Variants in LIN9 observed in about 807,000 individuals in gnomAD.
The protein encoded by LIN9 is protein lin-9 homolog.
Under a neutral mutation model 78.0 loss-of-function variants are expected in LIN9, and 18 were observed. The ratio of observed to expected loss-of-function variants is 0.23; its 90% CI spans 0.16 to 0.34. LIN9 has a LOEUF of 0.34. LIN9 is among the 10% of genes least tolerant of loss of function. The probability of loss-of-function intolerance (pLI) is 1.00; values close to 1 mark genes in which losing one functional copy is unlikely to be tolerated. For missense variants in LIN9, 451 were observed against 644.1 expected (o/e 0.70, Z 3.25); for synonymous variants, 192 against 215.2 (o/e 0.89, Z 0.94).
chr1:226,263,691 T>A (rs976082979), intron 10 of LIN9, among the ~76,000 whole-genome samples: 1 of 152,236 alleles, frequency 6.6e-6, no homozygotes, highest in African/African-American at 2.4e-5. Context: ...TCTTTGCTCT[T>A]ATCACATTTT....
intron 2 of LIN9, among the ~76,000 whole-genome samples, chr1:226,299,950 A>C (rs1002159217): frequency 6.8e-6 from 1 of 147,938 alleles, no homozygotes; most frequent in African/African-American, 2.5e-5. Flanking sequence ...TTGGAATTTG[A>C]GACAGAGTCT....
intron 10 of LIN9, among the ~76,000 whole-genome samples, chr1:226,252,125 TAAAC>T (rs749784551): frequency 2.0e-5 from 3 of 151,636 alleles, no homozygotes; most frequent in Non-Finnish European, 4.4e-5. Flanking sequence ...CCACAAAAAA[TAAAC>T]AAAATTAGCT....
At chr1:226,237,466 C>T (rs1288850296) in intron 12 of LIN9, among the ~76,000 whole-genome samples, 1 of 151,538 alleles carries the variant, frequency 6.6e-6, no homozygotes, top group East Asian at 1.9e-4. Context: ...AACCCTGTCT[C>T]TACTAAAAAT....
chr1:226,237,888 G>A (rs1219185104), intron 12 of LIN9, among the ~76,000 whole-genome samples: 1 of 151,194 alleles, frequency 6.6e-6, no homozygotes, highest in Non-Finnish European at 1.5e-5. Context: ...GGGAGGCAGA[G>A]GTTCCAGTGA....
chr1:226,232,170 CG>C lies in LIN9; in HGVS notation c.*330del, dbSNP rs1279530187. The C allele has an allele frequency of 2.5e-6, 1 of 399,472 alleles. No homozygotes were observed. The allele number at this position is 399,472 out of a possible 1,614,324, so 24.7% of individuals were successfully genotyped here. A position where few individuals can be genotyped will look rare whatever the true frequency, so the allele number is the denominator to read the frequency against. On this transcript the variant is annotated 3_prime_UTR_variant, in exon 15 of 15. Coordinates refer to ENST00000681046, the MANE Select transcript of LIN9 (RefSeq NM_001366245.2). Reference sequence around the variant, plus strand: ...TTGCAGCAGTTGTCTGCATGTGTTGCGGTGAATTCATGCACATTAAAAAAAA... The same window carrying C: ...TTGCAGCAGTTGTCTGCATGTGTTGCGTGAATTCATGCACATTAAAAAAAA...
At chr1:226,258,351 A>G (rs1300126853) in intron 10 of LIN9, among the ~76,000 whole-genome samples, 1 of 151,262 alleles carries the variant, frequency 6.6e-6, no homozygotes, top group Non-Finnish European at 1.5e-5. Context: ...AAATACTAAT[A>G]TTAGCCAGAT....
intron 12 of LIN9, among the ~76,000 whole-genome samples, chr1:226,236,367 C>T (rs1001422380): frequency 1.3e-5 from 2 of 151,656 alleles, no homozygotes; most frequent in Non-Finnish European, 2.9e-5. Context: ...AATCACCATC[C>T]TGACTTCTAG....
intron 11 of LIN9, 47 bp downstream of exon 11, chr1:226,250,792 T>A: frequency 2.0e-6 from 2 of 984,118 alleles, no homozygotes; most frequent in Non-Finnish European, 3.1e-6. Flanking sequence ...GTCTCACTAT[T>A]TTAAAATTAG....
intron 6 of LIN9, among the ~76,000 whole-genome samples, chr1:226,284,225 T>C (rs1661259393): frequency 6.6e-6 from 1 of 152,096 alleles, no homozygotes; most frequent in Admixed American, 6.6e-5. Context: ...CCCAGAGACA[T>C]CTGTGACTGT....
intron 11 of LIN9, among the ~76,000 whole-genome samples, chr1:226,241,655 G>A (rs994062431): frequency 2.0e-5 from 3 of 152,138 alleles, no homozygotes; most frequent in South Asian, 2.1e-4. Context: ...TCAGGAGATC[G>A]AGACCATCCT....
At chr1:226,259,357 G>A (rs1226519959) in intron 10 of LIN9, among the ~76,000 whole-genome samples, 1 of 152,090 alleles carries the variant, frequency 6.6e-6, no homozygotes, top group African/African-American at 2.4e-5. Context: ...ATTATAGTTG[G>A]AGATTTTGAT....
chr1:226,302,563 A>C (rs1215836929), intron 1 of LIN9, among the ~76,000 whole-genome samples: 1 of 151,696 alleles, frequency 6.6e-6, no homozygotes, highest in Non-Finnish European at 1.5e-5. Context: ...AAAAAAAAAA[A>C]CAAACCAATA....
intron 11 of LIN9, among the ~76,000 whole-genome samples, chr1:226,249,869 G>T (rs1378621762): frequency 2.0e-5 from 3 of 152,130 alleles, no homozygotes; most frequent in Non-Finnish European, 2.9e-5. Flanking sequence ...TACATAAACA[G>T]CTTTTTAAAA....
At chr1:226,233,592 G>C in intron 12 of LIN9, 69 bp from the exon 13 acceptor site, 1 of 1,194,832 alleles carries the variant, frequency 8.4e-7, no homozygotes, top group Non-Finnish European at 1.1e-6. Flanking sequence ...ATGTGTTTGT[G>C]CCCTCTTTTC....
intron 11 of LIN9, among the ~76,000 whole-genome samples, chr1:226,245,930 T>G (rs1658447649): frequency 6.6e-6 from 1 of 152,250 alleles, no homozygotes; most frequent in East Asian, 1.9e-4. Context: ...TGATAAATAT[T>G]CATCTTTTAC....
intron 11 of LIN9, among the ~76,000 whole-genome samples, chr1:226,247,442 G>A (rs1658556930): frequency 6.6e-6 from 1 of 151,986 alleles, no homozygotes; most frequent in African/African-American, 2.4e-5. Flanking sequence ...CCTCCAAAGA[G>A]GACTTAAAGT....
chr1:226,301,032 A>G (rs1460514869), intron 2 of LIN9, 141 bp downstream of exon 2: 9 of 480,412 alleles, frequency 1.9e-5, no homozygotes, highest in Non-Finnish European at 2.5e-5. Context: ...AAGCATATTA[A>G]TTTAAGGTTA....
chr1:226,253,367 T>C (rs1285189771), intron 10 of LIN9, among the ~76,000 whole-genome samples: 1 of 151,768 alleles, frequency 6.6e-6, no homozygotes, highest in Non-Finnish European at 1.5e-5. Flanking sequence ...CGCAACTGCA[T>C]GATCTTGGCT....
chr1:226,267,829 G>A (rs1660029870), intron 8 of LIN9, 128 bp downstream of exon 8: 1 of 955,468 alleles, frequency 1.0e-6, no homozygotes, highest in Non-Finnish European at 1.5e-6. Context: ...TAGGGCTGGG[G>A]TCCCCTAAGG....
Sources: allele counts gnomAD v4.1 joint callset (sites outside exome capture counted in the v4.1 genomes callset), GRCh38; gene constraint gnomAD v4.1.1; transcripts MANE v1.5; gene names NCBI Gene and HGNC (gene_info 2026-07-23, HGNC 2026-07-21).